DLEU7: variants seen among roughly 807,000 people sequenced by gnomAD.
The protein encoded by DLEU7 is deleted in lymphocytic leukemia 7.
Under a neutral mutation model 16.0 loss-of-function variants are expected in DLEU7, and 17 were observed. The ratio of observed to expected loss-of-function variants is 1.06; its 90% CI spans 0.73 to 1.59. The LOEUF (loss-of-function observed/expected upper bound fraction) is 1.59, where lower values mean the gene tolerates loss of function less well. DLEU7 is among the 40% of genes most tolerant of loss of function. DLEU7 has a pLI of 0.00. For missense variants in DLEU7, 308 were observed against 314.9 expected, an observed-to-expected ratio of 0.98 and a Z score of 0.17; for synonymous variants, 113 against 139.8, an observed-to-expected ratio of 0.81 and a Z score of 1.35.
intron 1 of DLEU7, among the ~76,000 whole-genome samples, chr13:50,782,824 C>A (rs1400860264): frequency 2.0e-5 from 3 of 151,838 alleles, no homozygotes; most frequent in African/African-American, 7.3e-5. Context: ...TGTCCTTTAC[C>A]TATTCAAACA....
intron 1 of DLEU7, among the ~76,000 whole-genome samples, chr13:50,746,909 A>G (rs1213897473): frequency 1.3e-5 from 2 of 152,122 alleles, no homozygotes; most frequent in Non-Finnish European, 2.9e-5. Context: ...GCATACATAC[A>G]TACATATTGT....
intron 1 of DLEU7, among the ~76,000 whole-genome samples, chr13:50,788,390 T>C (rs1029136977): frequency 1.3e-5 from 2 of 152,204 alleles, no homozygotes; most frequent in African/African-American, 4.8e-5. Flanking sequence ...CAGACCCTCC[T>C]GTGCGTGTGT....
intron 1 of DLEU7, among the ~76,000 whole-genome samples, chr13:50,761,749 A>G (rs1294517167): frequency 2.0e-5 from 3 of 152,212 alleles, no homozygotes; most frequent in Non-Finnish European, 2.9e-5. Context: ...TCTTTGACAC[A>G]TTAAAGTTTT....
At chr13:50,803,681 ATTTC>A (rs976349518) in intron 1 of DLEU7, among the ~76,000 whole-genome samples, 7 of 152,106 alleles carry the variant, frequency 4.6e-5, no homozygotes, top group African/African-American at 1.7e-4. Context: ...ACTAAAATTA[ATTTC>A]TTTAATTAAA....
At chr13:50,766,074 A>C (rs925474201) in intron 1 of DLEU7, among the ~76,000 whole-genome samples, 3 of 152,190 alleles carry the variant, frequency 2.0e-5, no homozygotes, top group Non-Finnish European at 2.9e-5. Context: ...TTGCCTCAGC[A>C]AGTTTCATTC....
chr13:50,736,330 AG>A lies in DLEU7; in HGVS notation c.460-23091del, dbSNP rs1004054444. Among the ~76,000 whole-genome samples, 28 of 152,130 alleles carry A rather than the reference AG, an allele frequency of 1.8e-4. 1 individual carries two copies. On this transcript the variant is annotated intron_variant, in intron 1 of 1. Coordinates refer to the DLEU7 transcript ENST00000400393. ...AACACATGGACACGTAAAGGGGAAC[AG>A]CAGACACTGGGGCCTACTTGAGGGT... is the stretch of plus-strand genomic sequence containing the variant.
At chr13:50,735,462 G>T (rs1874038383) in intron 1 of DLEU7, among the ~76,000 whole-genome samples, 1 of 151,760 alleles carries the variant, frequency 6.6e-6, no homozygotes, top group Non-Finnish European at 1.5e-5. Context: ...GTATACTATG[G>T]AATTAAATTA....
rs1242439883 is a variant in DLEU7 at position 50,843,440 on chromosome 13, G to A, written c.207C>T (p.Gly69=). ...GCCGACTCCTGGTCCCCACGCCCCC[G>A]CCCCGCTCCTCGCGCCCGGGCCCCG... ...ARPGPGREER[G]GGVGTRSRRT... is the part of the protein sequence containing the mutation. The change falls in exon 1 of 2, where the codon GGC becomes GGT. Residue 69 remains glycine, a synonymous_variant. Coordinates refer to ENST00000504404, the MANE Select transcript of DLEU7 (RefSeq NM_001306135.2). The surrounding 1 kb of genome is among the most constrained non-coding windows in gnomAD (Gnocchi z 5.7). The A allele has an allele frequency of 3.8e-6, 5 of 1,326,216 alleles. No individual in the cohort carries two copies. Among genetic ancestry groups the A allele is most frequent in the African/African-American group, 1.5e-5 (1 of 64,672 alleles). The allele number at this position is 1,326,216 out of a possible 1,614,324, so 82.2% of individuals were successfully genotyped here.
chr13:50,748,985 C>T (rs541868596), intron 1 of DLEU7, among the ~76,000 whole-genome samples: 1 of 152,050 alleles, frequency 6.6e-6, no homozygotes, highest in Non-Finnish European at 1.5e-5. Context: ...TTGGTGCACC[C>T]ATCACCCGAG....
chr13:50,827,476 C>T (rs7328110), intron 1 of DLEU7, among the ~76,000 whole-genome samples: 1,592 of 151,162 alleles, frequency 0.011, 35 homozygotes, highest in African/African-American at 0.037. Flanking sequence ...TCCAGGAGTT[C>T]GAGACCAGCC....
intron 1 of DLEU7, among the ~76,000 whole-genome samples, chr13:50,761,820 A>G (rs1874941081): frequency 6.6e-6 from 1 of 152,236 alleles, no homozygotes; most frequent in African/African-American, 2.4e-5. Context: ...TGGGCATTTT[A>G]AAGCTGACCT....
chr13:50,792,630 T>C (rs1035399612), intron 1 of DLEU7, among the ~76,000 whole-genome samples: 5 of 147,714 alleles, frequency 3.4e-5, no homozygotes, highest in African/African-American at 1.2e-4. Context: ...ACTTAATCAA[T>C]CAAATTTAAC....
At chr13:50,751,170 C>G (rs1366742899) in intron 1 of DLEU7, among the ~76,000 whole-genome samples, 1 of 152,138 alleles carries the variant, frequency 6.6e-6, no homozygotes, top group Non-Finnish European at 1.5e-5. Context: ...AAAGCTTTTT[C>G]CACGTCTATT....
intron 1 of DLEU7, among the ~76,000 whole-genome samples, chr13:50,723,713 G>A (rs115961973): frequency 0.028 from 4,240 of 151,936 alleles, 182 homozygotes; most frequent in African/African-American, 0.092. Flanking sequence ...TCAAAACCTC[G>A]TCTAAGCCTA....
chr13:50,794,627 A>T (rs753387447), intron 1 of DLEU7, among the ~76,000 whole-genome samples: 69 of 152,322 alleles, frequency 4.5e-4, no homozygotes, highest in Admixed American at 6.5e-4. Flanking sequence ...GTTGGAAGAC[A>T]TTGGTAGTTG....
At chr13:50,816,676 G>C (rs551490476) in intron 1 of DLEU7, among the ~76,000 whole-genome samples, 1 of 152,004 alleles carries the variant, frequency 6.6e-6, no homozygotes, top group South Asian at 2.1e-4. Flanking sequence ...GCACTTCCCA[G>C]ACGTTATGAA....
chr13:50,759,788 G>A (rs1874870711), intron 1 of DLEU7, among the ~76,000 whole-genome samples: 1 of 152,070 alleles, frequency 6.6e-6, no homozygotes, highest in South Asian at 2.1e-4. Context: ...AACTCAGGGG[G>A]CTTCTGTGAC....
chr13:50,766,323 CCT>C (rs1469641159), intron 1 of DLEU7, among the ~76,000 whole-genome samples: 1 of 152,214 alleles, frequency 6.6e-6, no homozygotes, highest in Non-Finnish European at 1.5e-5. Flanking sequence ...CTCCTTGTCT[CCT>C]CACCCAGCCT....
chr13:50,779,667 G>C (rs762475884), intron 1 of DLEU7, among the ~76,000 whole-genome samples: 4 of 152,126 alleles, frequency 2.6e-5, no homozygotes, highest in Non-Finnish European at 4.4e-5. Context: ...TCCTCTCCCA[G>C]GTCTCACGGA....
Sources: allele counts gnomAD v4.1 joint callset (sites outside exome capture counted in the v4.1 genomes callset), GRCh38; gene constraint gnomAD v4.1.1; non-coding constraint Gnocchi (gnomAD v3.1); transcripts MANE v1.5; gene names NCBI Gene and HGNC (gene_info 2026-07-23, HGNC 2026-07-21).